The following LIMS1 variants were observed in gnomAD, a reference collection of about 807,000 sequenced individuals.
The protein encoded by LIMS1 is LIM zinc finger domain containing 1.
Under a neutral mutation model 44.1 loss-of-function variants are expected in LIMS1, and 18 were observed. The ratio of observed to expected loss-of-function variants is 0.41; its 90% CI spans 0.28 to 0.61. LIMS1 has a LOEUF of 0.61. Among genes scored for constraint, LIMS1 ranks in the 20% least tolerant of loss-of-function variants. LIMS1 has a pLI of 0.32. For synonymous variants in LIMS1, 93 were observed against 149.1 expected, an observed-to-expected ratio of 0.62 and a Z score of 2.74; for missense variants, 201 against 422.0, an observed-to-expected ratio of 0.48 and a Z score of 4.59.
At position 108,667,551 on chromosome 2, in the gene LIMS1, A is replaced by AAAAAAAAT. The variant is rs765279788; in HGVS notation, c.193-3229_193-3228insAAAAAATA. On this transcript the variant is annotated intron_variant, in intron 2 of 9. Transcript: ENST00000544547. ...TTCAACCTTTTTTAAAAAAAAAAAA[A>AAAAAAAAT]ATATATATATATATATATACTGCTG... is the stretch of plus-strand genomic sequence containing the variant. Among the ~76,000 whole-genome samples, 245 of 130,460 alleles carry AAAAAAAAT rather than the reference A, an allele frequency of 1.9e-3. 1 individual carries two copies. The highest frequency in any genetic ancestry group is 2.7e-3 in the Non-Finnish European group (163 of 61,436). The allele number at this position is 130,460 out of a possible 152,430, so 85.6% of individuals were successfully genotyped here. A position where few individuals can be genotyped will look rare whatever the true frequency, so the allele number is the denominator to read the frequency against.
At chr2:108,540,559 G>A (rs899356856) in intron 1 of LIMS1, among the ~76,000 whole-genome samples, 5 of 152,148 alleles carry the variant, frequency 3.3e-5, no homozygotes, top group African/African-American at 1.2e-4. Context: ...TATAGTGCAT[G>A]CTTTATCTGT....
chr2:108,684,027 A>C (rs778519132), exon 10 of LIMS1: 1 of 1,150,990 alleles, frequency 8.7e-7, no homozygotes, highest in Non-Finnish European at 1.3e-6. Flanking sequence ...TTTCTATGCA[A>C]GATAAGAGAT....
chr2:108,650,597 T>C (rs1690410967), intron 1 of LIMS1, among the ~76,000 whole-genome samples: 2 of 152,146 alleles, frequency 1.3e-5, no homozygotes, highest in Non-Finnish European at 2.9e-5. Context: ...TTTGTGTTTT[T>C]AGTAGAGACA....
intron 1 of LIMS1, among the ~76,000 whole-genome samples, chr2:108,647,501 GAC>G (rs1392745804): frequency 6.6e-6 from 1 of 152,114 alleles, no homozygotes; most frequent in Non-Finnish European, 1.5e-5. Context: ...ACCTGGCAGA[GAC>G]ACAACAAAAA....
At chr2:108,666,786 T>G (rs1405197235) in intron 2 of LIMS1, among the ~76,000 whole-genome samples, 1 of 146,412 alleles carries the variant, frequency 6.8e-6, no homozygotes, top group Non-Finnish European at 1.5e-5. Context: ...CAAGACCGTT[T>G]CTGAAAAAAA....
At chr2:108,615,792 C>T (rs899805433) in intron 1 of LIMS1, among the ~76,000 whole-genome samples, 2 of 152,298 alleles carry the variant, frequency 1.3e-5, no homozygotes, top group African/African-American at 2.4e-5. Flanking sequence ...GTAATGTTAG[C>T]CTGCAGAGAA....
exon 1 of LIMS1, chr2:108,534,534 G>T: frequency 8.3e-7 from 1 of 1,209,650 alleles, no homozygotes; most frequent in South Asian, 3.5e-5. Flanking sequence ...ACGAGGGGCT[G>T]AGAGACGGCG....
intron 1 of LIMS1, among the ~76,000 whole-genome samples, chr2:108,656,520 A>T (rs1228347338): frequency 2.6e-5 from 4 of 151,666 alleles, no homozygotes; most frequent in South Asian, 2.1e-4. Context: ...ATCAACATTT[A>T]AAAAAAAAAA....
chr2:108,541,749 A>G (rs1233962563), intron 1 of LIMS1, among the ~76,000 whole-genome samples: 1 of 152,108 alleles, frequency 6.6e-6, no homozygotes, highest in Admixed American at 6.5e-5. Flanking sequence ...GGCCTGGAAA[A>G]TCATCATCTT....
intron 1 of LIMS1, among the ~76,000 whole-genome samples, chr2:108,581,673 C>T (rs549570278): frequency 6.6e-6 from 1 of 152,276 alleles, no homozygotes; most frequent in Admixed American, 6.5e-5. Flanking sequence ...CACGGTGGCT[C>T]ATGCCTGTAA....
In LIMS1 at chr2:108,631,311, C is replaced by T. The variant is rs1184816268; in HGVS notation, c.33-28294C>T. On this transcript the variant is annotated intron_variant, in intron 1 of 9. Coordinates refer to ENST00000544547, the Ensembl canonical transcript of LIMS1. ...AGGAGTCTGGGTATAGCCCACTGGC[C>T]TGGGTCCAGTGTCTTGAATAACTAC... 2.0e-5 allele frequency among the ~76,000 whole-genome samples: 3 copies of T among 152,164 alleles called. No homozygotes were observed. In the East Asian group the frequency reaches 5.8e-4, roughly 29 times the overall value.
intron 1 of LIMS1, among the ~76,000 whole-genome samples, chr2:108,647,569 A>G (rs1369230215): frequency 6.6e-6 from 1 of 152,226 alleles, no homozygotes; most frequent in African/African-American, 2.4e-5. Flanking sequence ...TCCTCAATAA[A>G]ATACTAGCAA....
Position 108,626,048 on chromosome 2 carries a change from G to T in LIMS1, c.33-33557G>T, listed in dbSNP as rs77923605. ...AGAGAAAGAACTGAAGGCTATAAAG[G>T]TGGTCATTGTTATGAAACCAGTTTC... On this transcript the variant is annotated intron_variant, in intron 1 of 9. Coordinates refer to ENST00000544547, the Ensembl canonical transcript of LIMS1. Among the ~76,000 whole-genome samples, 670 of 152,278 alleles carry T rather than the reference G, an allele frequency of 4.4e-3. 4 individuals are homozygous for T. Among genetic ancestry groups the T allele is most frequent in the South Asian group, 0.014 (68 of 4,826 alleles).
At chr2:108,629,225 G>A (rs969310953) in intron 1 of LIMS1, among the ~76,000 whole-genome samples, 2 of 152,168 alleles carry the variant, frequency 1.3e-5, no homozygotes, top group African/African-American at 2.4e-5. Context: ...AACTAGAAAC[G>A]GATCACAACT....
intron 2 of LIMS1, among the ~76,000 whole-genome samples, chr2:108,667,551 A>AAAAAATATATATAT (rs765279788): frequency 4.6e-5 from 6 of 130,472 alleles, no homozygotes; most frequent in Non-Finnish European, 9.8e-5. Flanking sequence ...AAAAAAAAAA[A>AAAAAATATATATAT]ATATATATAT....
intron 1 of LIMS1, among the ~76,000 whole-genome samples, chr2:108,587,029 G>C (rs542358896): frequency 6.6e-6 from 1 of 152,190 alleles, no homozygotes; most frequent in Non-Finnish European, 1.5e-5. Flanking sequence ...AGCTGGGACC[G>C]TTGGATTTCA....
chr2:108,596,989 A>G (rs1686738375), intron 1 of LIMS1, among the ~76,000 whole-genome samples: 1 of 133,776 alleles, frequency 7.5e-6, no homozygotes, highest in African/African-American at 2.8e-5. Flanking sequence ...GCTCACTGCA[A>G]CTTCTGCCTC....
chr2:108,622,780 A>G (rs1401975095), intron 1 of LIMS1, among the ~76,000 whole-genome samples: 2 of 152,174 alleles, frequency 1.3e-5, no homozygotes, highest in Non-Finnish European at 1.5e-5. Context: ...TGAAGTTACC[A>G]AAAACAGTTT....
intron 1 of LIMS1, among the ~76,000 whole-genome samples, chr2:108,596,549 G>A (rs111467668): frequency 1.8e-4 from 28 of 152,392 alleles, no homozygotes; most frequent in African/African-American, 4.8e-4. Flanking sequence ...CATGTTGGCC[G>A]GGCATGGCAC....
Sources: gnomAD v4.1 joint callset for allele counts (sites outside exome capture counted in the v4.1 genomes callset) on GRCh38, gnomAD v4.1.1 for gene constraint, MANE v1.5 for transcripts, NCBI Gene and HGNC (gene_info 2026-07-23, HGNC 2026-07-21) for gene names.